Variants in RABGAP1L observed in about 807,000 individuals in gnomAD.
The protein encoded by RABGAP1L is rab GTPase-activating protein 1-like.
Under a neutral mutation model 137.7 loss-of-function variants are expected in RABGAP1L, and 63 were observed. The observed-to-expected ratio is 0.46, with a 90% confidence interval of 0.37 to 0.56. RABGAP1L has a LOEUF of 0.56. Ranked by LOEUF, RABGAP1L falls within the 20% of genes least tolerant of loss-of-function variation. RABGAP1L has a pLI of 0.00. For synonymous variants in RABGAP1L, 431 were observed against 433.7 expected (o/e 0.99, Z 0.08); for missense variants, 1,095 against 1,244.0 (o/e 0.88, Z 1.80).
chr1:174,531,785 G>C (rs953444469), intron 13 of RABGAP1L, among the ~76,000 whole-genome samples: 2 of 151,680 alleles, frequency 1.3e-5, no homozygotes, highest in Non-Finnish European at 2.9e-5. Flanking sequence ...ATATTATTGA[G>C]TAATTGTGGA....
At chr1:174,454,265 A>G (rs1655786982) in intron 13 of RABGAP1L, among the ~76,000 whole-genome samples, 1 of 152,196 alleles carries the variant, frequency 6.6e-6, no homozygotes, top group South Asian at 2.1e-4. Context: ...CCATTTCAAA[A>G]AAAAAGAAGA....
intron 13 of RABGAP1L, among the ~76,000 whole-genome samples, chr1:174,614,186 T>C (rs575221764): frequency 2.8e-4 from 43 of 152,340 alleles, no homozygotes; most frequent in South Asian, 1.5e-3. Context: ...GATTTTGCAG[T>C]GGCTGGTACC....
chr1:174,694,188 TTTTTTTA>T (rs1459429550), intron 15 of RABGAP1L, among the ~76,000 whole-genome samples: 2 of 152,068 alleles, frequency 1.3e-5, no homozygotes, highest in East Asian at 1.9e-4. Flanking sequence ...ATTTTTTTTC[TTTTTTTA>T]TTTTTTATTT....
intron 13 of RABGAP1L, among the ~76,000 whole-genome samples, chr1:174,444,920 C>A (rs933661605): frequency 1.3e-5 from 2 of 151,748 alleles, no homozygotes; most frequent in Admixed American, 1.3e-4. Flanking sequence ...TTTTTTAGGA[C>A]TTTTAAGAAT....
chr1:174,311,955 T>C (rs1361047409), intron 11 of RABGAP1L, among the ~76,000 whole-genome samples: 1 of 152,224 alleles, frequency 6.6e-6, no homozygotes, highest in Admixed American at 6.5e-5. Context: ...AGTCCTCCGT[T>C]GCATGTAAGT....
chr1:174,600,177 T>C (rs2148167009), intron 13 of RABGAP1L, among the ~76,000 whole-genome samples: 1 of 152,276 alleles, frequency 6.6e-6, no homozygotes, highest in Middle Eastern at 3.4e-3. Flanking sequence ...TTATTCACTA[T>C]ACAAGAATAG....
chr1:174,777,753 A>G (rs1686643555), intron 18 of RABGAP1L, among the ~76,000 whole-genome samples: 1 of 152,246 alleles, frequency 6.6e-6, no homozygotes, highest in Admixed American at 6.5e-5. Context: ...AGAACTAAGA[A>G]ATACATTGAA....
Position 174,250,464 on chromosome 1 carries a change from T to C in RABGAP1L, c.718-11T>C, listed in dbSNP as rs1237807462. ...CTTTGCCTAATGGTATTTCCTTTTT[T>C]ATTCTTTTAGGTAAGCAGAATTTTG... On this transcript the variant is annotated splice_polypyrimidine_tract_variant and intron_variant, in intron 5 of 25. Coordinates refer to ENST00000681986, the MANE Select transcript of RABGAP1L (RefSeq NM_001366446.1). The C allele has an allele frequency of 1.3e-6, 2 of 1,595,666 alleles. No individual in the cohort carries two copies. Among genetic ancestry groups the C allele is most frequent in the East Asian group, 2.2e-5 (1 of 44,654 alleles).
rs946162526 is a variant in RABGAP1L, at chr1:174,780,744, C to T, written c.2211+28390C>T. 7.3e-5 allele frequency among the ~76,000 whole-genome samples: 10 copies of T among 136,888 alleles called. No individual in the cohort carries two copies. The East Asian group carries it at 9.0e-4, about 12-fold the overall frequency. 89.8% of individuals were successfully genotyped at this position (136,888 alleles called of 152,430 possible). A position where few individuals can be genotyped will look rare whatever the true frequency, so the allele number is the denominator to read the frequency against. On this transcript the variant is annotated intron_variant, in intron 18 of 25. Coordinates refer to ENST00000681986, the MANE Select transcript of RABGAP1L (RefSeq NM_001366446.1). ...CACCCCCCCACCCCACAACAGTCCCCGGTGTGTGATGTTCCCCTTCTTGTG... is the reference window on the plus strand; with the variant it reads ...CACCCCCCCACCCCACAACAGTCCCTGGTGTGTGATGTTCCCCTTCTTGTG...
intron 19 of RABGAP1L, among the ~76,000 whole-genome samples, chr1:174,820,965 T>G (rs1475934687): frequency 2.0e-5 from 3 of 150,350 alleles, no homozygotes; most frequent in Non-Finnish European, 4.4e-5. Context: ...TGCAGTGAAC[T>G]GACATTGCAC....
At chr1:174,889,897 T>C (rs966055957) in intron 19 of RABGAP1L, among the ~76,000 whole-genome samples, 3 of 152,108 alleles carry the variant, frequency 2.0e-5, no homozygotes, top group African/African-American at 7.2e-5. Context: ...GCCCAGCTAA[T>C]TTTTTCCTTT....
At chr1:174,574,412 G>A (rs1001343541) in intron 13 of RABGAP1L, among the ~76,000 whole-genome samples, 1 of 151,796 alleles carries the variant, frequency 6.6e-6, no homozygotes, top group Admixed American at 6.6e-5. Flanking sequence ...GGCTCATATC[G>A]ATCTTGTTCT....
chr1:174,265,252 C>T (rs1673960558), intron 7 of RABGAP1L, among the ~76,000 whole-genome samples: 1 of 152,112 alleles, frequency 6.6e-6, no homozygotes, highest in African/African-American at 2.4e-5. Context: ...GTATCACTAT[C>T]TGAATGTCCT....
intron 17 of RABGAP1L, among the ~76,000 whole-genome samples, chr1:174,735,612 CAAAAAAAAAAAAAAA>C (rs59281177): frequency 1.3e-4 from 6 of 46,134 alleles, no homozygotes; most frequent in African/African-American, 1.6e-4. Flanking sequence ...AACTCCATCT[CAAAAAAAAAAAAAAA>C]AAAAAAAAAA....
intron 9 of RABGAP1L, among the ~76,000 whole-genome samples, chr1:174,276,451 A>G (rs1675012209): frequency 1.3e-5 from 2 of 152,070 alleles, no homozygotes; most frequent in Non-Finnish European, 2.9e-5. Context: ...GGCCTGAATT[A>G]ATTTTATTAG....
rs1411331984 is a variant in RABGAP1L, at chr1:174,240,714, A to G, written c.543-769A>G. ...AATGAATTAGGGCTTAGATAAACTA[A>G]TAGGTGCTGCTCTGTATAGAAGTGG... On this transcript the variant is annotated intron_variant, in intron 4 of 25. Transcript: ENST00000681986. 2.0e-5 allele frequency among the ~76,000 whole-genome samples: 3 copies of G among 152,230 alleles called. No individual in the cohort carries two copies. The East Asian group carries it at 5.8e-4, about 29-fold the overall frequency.
intron 10 of RABGAP1L, among the ~76,000 whole-genome samples, chr1:174,284,734 C>CTTTT (rs59344382): frequency 1.2e-4 from 5 of 42,610 alleles, no homozygotes; most frequent in Non-Finnish European, 2.3e-4. Context: ...TATTTCTTGT[C>CTTTT]TTTTTTTTTT....
At chr1:174,226,718 G>A (rs1181458475) in intron 3 of RABGAP1L, among the ~76,000 whole-genome samples, 1 of 151,638 alleles carries the variant, frequency 6.6e-6, no homozygotes, top group East Asian at 1.9e-4. Flanking sequence ...TATTAATATA[G>A]CCACTTTTGG....
At chr1:174,849,752 G>T in intron 19 of RABGAP1L, 1 of 491,916 alleles carries the variant, frequency 2.0e-6, no homozygotes, top group South Asian at 1.5e-5. Context: ...GGTATTCTTG[G>T]GCTATTTTCT....
Sources: gnomAD v4.1 joint callset for allele counts (sites outside exome capture counted in the v4.1 genomes callset) on GRCh38, gnomAD v4.1.1 for gene constraint, MANE v1.5 for transcripts, NCBI Gene and HGNC (gene_info 2026-07-23, HGNC 2026-07-21) for gene names.